Variants in SOX5 observed in about 807,000 individuals in gnomAD.
SOX5 encodes the protein SRY-box transcription factor 5.
SOX5 carries 9 observed loss-of-function variants against 92.0 expected under a neutral mutation model. That is an observed-to-expected ratio of 0.10 (90% CI 0.06 to 0.17). The LOEUF (loss-of-function observed/expected upper bound fraction) is 0.17, where lower values mean the gene tolerates loss of function less well. Ranked by LOEUF, SOX5 falls within the 10% of genes least tolerant of loss-of-function variation. The pLI is 1.00. For synonymous variants in SOX5, 344 were observed against 336.3 expected, an observed-to-expected ratio of 1.02 and a Z score of -0.25; for missense variants, 642 against 944.5, an observed-to-expected ratio of 0.68 and a Z score of 4.20.
chr12:23,763,474 C>T (rs1435025704), intron 3 of SOX5, among the ~76,000 whole-genome samples: 4 of 152,050 alleles, frequency 2.6e-5, no homozygotes, highest in South Asian at 2.1e-4. Flanking sequence ...AAATAACCAC[C>T]TACTATTAAT....
intron 4 of SOX5, among the ~76,000 whole-genome samples, chr12:24,046,157 C>T (rs17405662): frequency 0.13 from 19,897 of 152,236 alleles, 1,812 homozygotes; most frequent in Non-Finnish European, 0.2. Context: ...TGCTCACAGT[C>T]TGCCCAAGGT....
rs149316457 is a variant in SOX5 at position 23,982,142 on chromosome 12, G to A, written c.-1-86118C>T. ...TTGAACCTGAACTCCGATTCAAAGC[G>A]TCAGGAAATGTATTTGGAAGAAAGT... On this transcript the variant is annotated intron_variant, in intron 4 of 4. Coordinates refer to the SOX5 transcript ENST00000446891. 1.7e-3 allele frequency among the ~76,000 whole-genome samples: 262 copies of A among 152,262 alleles called. 1 individual carries two copies. Among genetic ancestry groups the A allele is most frequent in the African/African-American group, 4.7e-3 (196 of 41,556 alleles).
chr12:24,313,928 T>C (rs1949451699), intron 2 of SOX5, among the ~76,000 whole-genome samples: 1 of 151,906 alleles, frequency 6.6e-6, no homozygotes, highest in Non-Finnish European at 1.5e-5. Flanking sequence ...TGCCCACTTT[T>C]CAGTTACTCA....
chr12:24,446,634 C>CTA (rs1282236028), intron 1 of SOX5, among the ~76,000 whole-genome samples: 3 of 152,118 alleles, frequency 2.0e-5, no homozygotes, highest in African/African-American at 7.2e-5. Context: ...AGGACTGACT[C>CTA]TATAGTGCAA....
chr12:23,819,923 T>C (rs1488874410), intron 3 of SOX5, among the ~76,000 whole-genome samples: 1 of 152,232 alleles, frequency 6.6e-6, no homozygotes, highest in African/African-American at 2.4e-5. Flanking sequence ...TAGAATAATT[T>C]ATAATCCTTT....
chr12:23,606,130 G>T (rs2075228869), intron 8 of SOX5, among the ~76,000 whole-genome samples: 1 of 151,738 alleles, frequency 6.6e-6, no homozygotes, highest in Admixed American at 6.6e-5. Flanking sequence ...ATTATATACT[G>T]CAATTTAAAA....
chr12:24,355,293 T>TAA (rs1954685673), intron 2 of SOX5, among the ~76,000 whole-genome samples: 3 of 16,412 alleles, frequency 1.8e-4, no homozygotes, highest in Non-Finnish European at 4.8e-4. Context: ...TTTTTTTTTT[T>TAA]TTTTTTTTTT....
chr12:23,990,548 A>T (rs1194128957), intron 4 of SOX5, among the ~76,000 whole-genome samples: 1 of 152,162 alleles, frequency 6.6e-6, no homozygotes, highest in East Asian at 1.9e-4. Context: ...ATTCTCTGTG[A>T]AACCTTCTCT....
At chr12:23,566,218 C>A (rs1480376331) in intron 10 of SOX5, among the ~76,000 whole-genome samples, 2 of 152,186 alleles carry the variant, frequency 1.3e-5, no homozygotes, top group Non-Finnish European at 2.9e-5. Flanking sequence ...CGAAAACAAG[C>A]AAATAAAGTG....
intron 6 of SOX5, among the ~76,000 whole-genome samples, chr12:23,669,171 T>C: frequency 6.6e-6 from 1 of 152,108 alleles, no homozygotes; most frequent in Non-Finnish European, 1.5e-5. Flanking sequence ...AACAGACAGA[T>C]AATTATAATG....
At chr12:23,578,141 A>ACAAAAC (rs1949502497) in intron 9 of SOX5, among the ~76,000 whole-genome samples, 2 of 136,272 alleles carry the variant, frequency 1.5e-5, no homozygotes, top group African/African-American at 5.4e-5. Context: ...AAAAAAAAAA[A>ACAAAAC]AAAAAAAAAC....
chr12:23,796,919 A>G (rs1407277606), intron 3 of SOX5, among the ~76,000 whole-genome samples: 2 of 147,378 alleles, frequency 1.4e-5, no homozygotes, highest in African/African-American at 4.9e-5. Flanking sequence ...ATATATATAT[A>G]TACTCAGCAG....
intron 8 of SOX5, among the ~76,000 whole-genome samples, chr12:23,618,151 A>C (rs528226285): frequency 7.2e-5 from 11 of 152,314 alleles, no homozygotes; most frequent in African/African-American, 2.6e-4. Flanking sequence ...AGATCTCTCT[A>C]TGTATCAGTG....
chr12:24,086,938 T>C (rs1313380034), intron 4 of SOX5, among the ~76,000 whole-genome samples: 1 of 152,108 alleles, frequency 6.6e-6, no homozygotes, highest in Non-Finnish European at 1.5e-5. Flanking sequence ...TCAACAATAG[T>C]TCGGAATGTA....
intron 1 of SOX5, among the ~76,000 whole-genome samples, chr12:23,901,368 T>C (rs533112561): frequency 1.3e-5 from 2 of 152,298 alleles, no homozygotes; most frequent in South Asian, 4.1e-4. Context: ...TGTAAAAGAA[T>C]ACATTTGTAT....
chr12:24,291,973 A>C (rs779705876), intron 2 of SOX5, among the ~76,000 whole-genome samples: 1 of 152,254 alleles, frequency 6.6e-6, no homozygotes, highest in South Asian at 2.1e-4. Flanking sequence ...AATAACATAC[A>C]GTTACATAAA....
chr12:24,194,740 T>C (rs1044773249), intron 4 of SOX5, among the ~76,000 whole-genome samples: 1 of 152,128 alleles, frequency 6.6e-6, no homozygotes, highest in Non-Finnish European at 1.5e-5. Flanking sequence ...AGACATCTAT[T>C]GAAGCTCTGT....
At chr12:24,169,634 G>C (rs1039528905) in intron 4 of SOX5, among the ~76,000 whole-genome samples, 10 of 152,176 alleles carry the variant, frequency 6.6e-5, no homozygotes, top group Admixed American at 1.3e-4. Flanking sequence ...CCAGCACTAG[G>C]CTAAAGATAG....
chr12:23,850,567 G>A (rs961050270), intron 2 of SOX5, among the ~76,000 whole-genome samples: 15 of 151,296 alleles, frequency 9.9e-5, no homozygotes, highest in South Asian at 2.1e-4. Flanking sequence ...CATCAAAAGA[G>A]GAAAAAAATA....
Sources: gnomAD v4.1 joint callset for allele counts (sites outside exome capture counted in the v4.1 genomes callset) on GRCh38, gnomAD v4.1.1 for gene constraint, MANE v1.5 for transcripts, NCBI Gene and HGNC (gene_info 2026-07-23, HGNC 2026-07-21) for gene names.